GRIA1: variants seen among roughly 807,000 people sequenced by gnomAD.
The protein encoded by GRIA1 is glutamate receptor 1.
In GRIA1, 31 loss-of-function variants were observed where a neutral mutation model predicts 99.2. That is an observed-to-expected ratio of 0.31 (90% CI 0.23 to 0.42). GRIA1 has a LOEUF of 0.42. GRIA1 is among the 10% of genes least tolerant of loss of function. The pLI, the probability that GRIA1 is intolerant of heterozygous loss-of-function variation, is 1.00. For synonymous variants in GRIA1, 438 were observed against 432.4 expected (o/e 1.01, Z -0.16); for missense variants, 782 against 1,157.5 (o/e 0.68, Z 4.71).
intron 2 of GRIA1, among the ~76,000 whole-genome samples, chr5:153,641,371 T>A (rs1004411927): frequency 6.6e-6 from 1 of 152,154 alleles, no homozygotes; most frequent in African/African-American, 2.4e-5. Flanking sequence ...GGGAGATTTA[T>A]TGATACTAAG....
Position 153,689,146 on chromosome 5 carries a change from G to T in GRIA1, c.1134+2817G>T, listed in dbSNP as rs138301977. ...TGGGCTCAAGTGATCCACCCACCTC[G>T]GCCTCCCAAAGTGCTGGGATTACAA... On this transcript the variant is annotated intron_variant, in intron 8 of 15. Coordinates refer to ENST00000285900, the MANE Select transcript of GRIA1 (RefSeq NM_000827.4). Among the ~76,000 whole-genome samples the T allele has an allele frequency of 9.5e-3, 1,438 of 151,122 alleles. 23 individuals are homozygous for T. Among genetic ancestry groups the T allele is most frequent in the African/African-American group, 0.033 (1,370 of 41,166 alleles).
intron 11 of GRIA1, 68 bp downstream of exon 11, chr5:153,706,135 T>TGTTTGTTTGTTC: frequency 6.8e-7 from 1 of 1,464,422 alleles, no homozygotes; most frequent in Non-Finnish European, 9.5e-7. Context: ...TTTGTTTGTT[T>TGTTTGTTTGTTC]TTTAAATACT....
intron 15 of GRIA1, among the ~76,000 whole-genome samples, chr5:153,809,224 T>C (rs778494133): frequency 6.6e-6 from 1 of 152,236 alleles, no homozygotes; most frequent in Non-Finnish European, 1.5e-5. Flanking sequence ...TAACCATTAA[T>C]TTATCATATT....
intron 3 of GRIA1, 27 bp downstream of exon 3, chr5:153,647,194 CT>C: frequency 6.2e-7 from 1 of 1,605,934 alleles, no homozygotes; most frequent in Non-Finnish European, 8.5e-7. Flanking sequence ...GGGAGGGAGA[CT>C]TTTGAGGGAT....
At chr5:153,767,240 T>G (rs963835097) in intron 12 of GRIA1, among the ~76,000 whole-genome samples, 11 of 152,208 alleles carry the variant, frequency 7.2e-5, no homozygotes, top group Non-Finnish European at 1.3e-4. Context: ...TCTCATATAA[T>G]CTCCACGGCA....
chr5:153,654,892 CT>C (rs1754828760), intron 4 of GRIA1, among the ~76,000 whole-genome samples: 1 of 152,190 alleles, frequency 6.6e-6, no homozygotes, highest in Non-Finnish European at 1.5e-5. Flanking sequence ...GGTCTGTAGT[CT>C]TAACCATTCA....
intron 14 of GRIA1, among the ~76,000 whole-genome samples, chr5:153,800,017 C>T (rs1417931457): frequency 6.6e-6 from 1 of 152,220 alleles, no homozygotes; most frequent in Non-Finnish European, 1.5e-5. Context: ...ATGCCCATCA[C>T]TCCCTTGTCC....
chr5:153,604,912 C>T (rs772216728), intron 2 of GRIA1, among the ~76,000 whole-genome samples: 1 of 151,964 alleles, frequency 6.6e-6, no homozygotes, highest in Non-Finnish European at 1.5e-5. Flanking sequence ...TACCTAAAAT[C>T]AGTTTAAAAA....
At chr5:153,667,434 G>T (rs993410166) in intron 5 of GRIA1, among the ~76,000 whole-genome samples, 1 of 152,168 alleles carries the variant, frequency 6.6e-6, no homozygotes, top group African/African-American at 2.4e-5. Flanking sequence ...CCTGCTTCAT[G>T]TTCTCTCAGG....
intron 2 of GRIA1, among the ~76,000 whole-genome samples, chr5:153,520,174 C>T (rs568572120): frequency 5.9e-5 from 9 of 152,304 alleles, no homozygotes; most frequent in African/African-American, 1.2e-4. Flanking sequence ...CAGCAAGCAG[C>T]GTTTCTTTTC....
At chr5:153,517,483 T>C (rs894070085) in intron 2 of GRIA1, among the ~76,000 whole-genome samples, 3 of 152,056 alleles carry the variant, frequency 2.0e-5, no homozygotes, top group Admixed American at 2.0e-4. Flanking sequence ...CCCTGGGCCC[T>C]CAGAAAGGGA....
intron 11 of GRIA1, among the ~76,000 whole-genome samples, chr5:153,724,133 CAG>C (rs999943004): frequency 6.6e-6 from 1 of 152,176 alleles, no homozygotes; most frequent in African/African-American, 2.4e-5. Flanking sequence ...CCCAGGCAAA[CAG>C]GGTCTGGAGT....
chr5:153,773,229 A>T (rs1007608815), intron 13 of GRIA1, among the ~76,000 whole-genome samples: 1 of 152,254 alleles, frequency 6.6e-6, no homozygotes, highest in Admixed American at 6.5e-5. Flanking sequence ...GTAAGAGTTA[A>T]GTTGCCTGAT....
At chr5:153,716,947 G>A (rs1230144918) in intron 11 of GRIA1, among the ~76,000 whole-genome samples, 1 of 152,192 alleles carries the variant, frequency 6.6e-6, no homozygotes, top group African/African-American at 2.4e-5. Context: ...AGCAGGAGAT[G>A]GCTTAGTGTC....
intron 5 of GRIA1, among the ~76,000 whole-genome samples, chr5:153,672,776 T>C (rs886307916): frequency 6.6e-6 from 1 of 152,164 alleles, no homozygotes. Flanking sequence ...AACTTCTCCA[T>C]CGACCATGGA....
intron 2 of GRIA1, among the ~76,000 whole-genome samples, chr5:153,591,225 T>C (rs1320681502): frequency 6.6e-6 from 1 of 152,236 alleles, no homozygotes; most frequent in Non-Finnish European, 1.5e-5. Flanking sequence ...ACCAGGAATT[T>C]CTTCCTGACC....
rs181905241 is a variant in GRIA1, at chr5:153,639,562, C to T, written c.221-7366C>T. 2.5e-3 allele frequency among the ~76,000 whole-genome samples: 381 copies of T among 152,310 alleles called. 1 individual carries two copies. The highest frequency in any genetic ancestry group is 2.5e-3 in the Non-Finnish European group (167 of 68,024). On this transcript the variant is annotated intron_variant, in intron 2 of 15. Coordinates refer to ENST00000285900, the MANE Select transcript of GRIA1 (RefSeq NM_000827.4). ...TAGTGACACAGAGAGGTCTCCCTGA[C>T]CATCCTGTCTAAAATAGTCCTGCCA...
chr5:153,697,748 C>T (rs748724193), intron 8 of GRIA1, among the ~76,000 whole-genome samples: 1 of 152,194 alleles, frequency 6.6e-6, no homozygotes, highest in Non-Finnish European at 1.5e-5. Context: ...ATGGTCCTGG[C>T]TTGCATTGTA....
rs2149525410 is a variant in GRIA1, at chr5:153,709,481, T to A, written c.1823+3414T>A. Among the ~76,000 whole-genome samples, 3 of 152,322 alleles carry A rather than the reference T, an allele frequency of 2.0e-5. No individual in the cohort carries two copies. The South Asian group carries it at 6.2e-4, about 32-fold the overall frequency. On this transcript the variant is annotated intron_variant, in intron 11 of 15. Coordinates refer to ENST00000285900, the MANE Select transcript of GRIA1 (RefSeq NM_000827.4). Reference sequence around the variant, plus strand: ...AAAACCAACAAAATGTGGCTAAGTGTAATTGTCTGCAAATAACATCAAAAC... The same window carrying A: ...AAAACCAACAAAATGTGGCTAAGTGAAATTGTCTGCAAATAACATCAAAAC...
Sources: allele counts gnomAD v4.1 joint callset (sites outside exome capture counted in the v4.1 genomes callset), GRCh38; gene constraint gnomAD v4.1.1; transcripts MANE v1.5; gene names NCBI Gene and HGNC (gene_info 2026-07-23, HGNC 2026-07-21).